Variants in XKR6 observed in about 807,000 individuals in gnomAD.
XKR6 encodes the protein XK-related protein 6.
In XKR6, 22 loss-of-function variants were observed where a neutral mutation model predicts 56.7. The ratio of observed to expected loss-of-function variants is 0.39; its 90% confidence interval spans 0.28 to 0.55. The LOEUF (loss-of-function observed/expected upper bound fraction) is 0.55, where lower values mean the gene tolerates loss of function less well. Ranked by LOEUF, XKR6 falls within the 20% of genes least tolerant of loss-of-function variation. The pLI is 0.66. For missense variants in XKR6, 852 were observed against 889.0 expected (o/e 0.96, Z 0.53); for synonymous variants, 524 against 387.8 (o/e 1.35, Z -4.13).
At chr8:11,151,331 CTG>C (rs1443168083) in intron 1 of XKR6, among the ~76,000 whole-genome samples, 3 of 152,164 alleles carry the variant, frequency 2.0e-5, no homozygotes, top group Admixed American at 6.5e-5. Flanking sequence ...TAATCATACA[CTG>C]TGCATTTGCT....
At chr8:11,100,830 A>G (rs1245144561) in intron 1 of XKR6, among the ~76,000 whole-genome samples, 1 of 152,224 alleles carries the variant, frequency 6.6e-6, no homozygotes. Flanking sequence ...TTATGCTACA[A>G]AAGCTTTTGT....
intron 2 of XKR6, among the ~76,000 whole-genome samples, chr8:10,900,930 C>T (rs1422132178): frequency 1.4e-5 from 2 of 144,546 alleles, no homozygotes; most frequent in Admixed American, 1.4e-4. Context: ...TCATTGCTCA[C>T]TGAAGCCTCA....
At chr8:10,972,197 A>G (rs192766348) in intron 1 of XKR6, among the ~76,000 whole-genome samples, 3 of 152,230 alleles carry the variant, frequency 2.0e-5, no homozygotes, top group African/African-American at 7.2e-5. Flanking sequence ...ATTTGACTCT[A>G]GGTTCTATTT....
intron 1 of XKR6, among the ~76,000 whole-genome samples, chr8:10,995,275 G>T (rs541883250): frequency 6.6e-6 from 1 of 151,586 alleles, no homozygotes; most frequent in African/African-American, 2.4e-5. Context: ...AGTGCTTTAG[G>T]AGACTGAAGC....
chr8:10,979,696 G>C (rs1797683365), intron 1 of XKR6, among the ~76,000 whole-genome samples: 2 of 152,196 alleles, frequency 1.3e-5, no homozygotes, highest in South Asian at 4.1e-4. Flanking sequence ...CAGGCTGCCT[G>C]AAACGGACAA....
At chr8:11,112,732 C>A (rs984290568) in intron 1 of XKR6, among the ~76,000 whole-genome samples, 3 of 152,178 alleles carry the variant, frequency 2.0e-5, no homozygotes, top group African/African-American at 7.2e-5. Flanking sequence ...TTATTAAGAG[C>A]CCACACACAT....
intron 1 of XKR6, among the ~76,000 whole-genome samples, chr8:10,941,352 C>T (rs552388522): frequency 6.6e-6 from 1 of 152,350 alleles, no homozygotes; most frequent in African/African-American, 2.4e-5. Flanking sequence ...TCAGCACTTG[C>T]AAGGCCTCCT....
At chr8:11,178,928 G>A (rs1371959382) in intron 1 of XKR6, among the ~76,000 whole-genome samples, 5 of 151,076 alleles carry the variant, frequency 3.3e-5, no homozygotes, top group South Asian at 2.1e-4. Flanking sequence ...CTGCAGCCTC[G>A]GTCTCCCAAG....
chr8:11,049,881 C>G (rs1184586329), intron 1 of XKR6, among the ~76,000 whole-genome samples: 2 of 152,200 alleles, frequency 1.3e-5, no homozygotes, highest in African/African-American at 4.8e-5. Flanking sequence ...GAGAGAAAGA[C>G]TGTGTCTGCT....
At chr8:11,034,075 C>T (rs376158585) in intron 1 of XKR6, among the ~76,000 whole-genome samples, 66 of 152,252 alleles carry the variant, frequency 4.3e-4, no homozygotes, top group African/African-American at 1.5e-3. Context: ...GCACAGTCCA[C>T]GACCAAACTA....
intron 1 of XKR6, among the ~76,000 whole-genome samples, chr8:11,117,168 G>C (rs1437311920): frequency 6.6e-6 from 1 of 152,154 alleles, no homozygotes; most frequent in African/African-American, 2.4e-5. Flanking sequence ...CCTTAGTTTA[G>C]ACTGAATCTT....
chr8:11,056,213 CA>C (rs1477075848), intron 1 of XKR6, among the ~76,000 whole-genome samples: 1 of 152,188 alleles, frequency 6.6e-6, no homozygotes, highest in Non-Finnish European at 1.5e-5. Flanking sequence ...GAGGCAGAAG[CA>C]AAATGAGCCT....
At chr8:11,099,650 C>G (rs886940676) in intron 1 of XKR6, among the ~76,000 whole-genome samples, 2 of 152,226 alleles carry the variant, frequency 1.3e-5, no homozygotes, top group African/African-American at 2.4e-5. Context: ...TTTACTCATT[C>G]ACTCGCTCAA....
chr8:11,019,745 T>TA (rs1798707917), intron 1 of XKR6, among the ~76,000 whole-genome samples: 1 of 152,186 alleles, frequency 6.6e-6, no homozygotes, highest in Non-Finnish European at 1.5e-5. Context: ...AGGCAGAGGC[T>TA]AACACGGTTA....
At chr8:10,962,225 A>C (rs1429113642) in intron 1 of XKR6, among the ~76,000 whole-genome samples, 1 of 152,222 alleles carries the variant, frequency 6.6e-6, no homozygotes, top group African/African-American at 2.4e-5. Flanking sequence ...TGCTTCCCCT[A>C]AAACCCCAAA....
At chr8:11,064,463 T>C (rs761674777) in intron 1 of XKR6, among the ~76,000 whole-genome samples, 14 of 152,178 alleles carry the variant, frequency 9.2e-5, no homozygotes, top group Non-Finnish European at 2.1e-4. Flanking sequence ...CCCAACATCT[T>C]AAAAGAAAGG....
intron 1 of XKR6, among the ~76,000 whole-genome samples, chr8:10,976,741 G>A (rs1802575010): frequency 6.9e-6 from 1 of 144,752 alleles, no homozygotes; most frequent in East Asian, 2.1e-4. Context: ...ATATCACTAG[G>A]CTACCTCGCC....
intron 1 of XKR6, among the ~76,000 whole-genome samples, chr8:11,112,683 C>CT (rs1563144653): frequency 6.6e-6 from 1 of 152,162 alleles, no homozygotes; most frequent in Non-Finnish European, 1.5e-5. Context: ...ACTGGTTTTT[C>CT]TTTAAGAACA....
chr8:11,119,395 T>C lies in XKR6; in HGVS notation c.764+81181A>G, dbSNP rs143262065. 3.6e-3 allele frequency among the ~76,000 whole-genome samples: 550 copies of C among 152,328 alleles called. 4 individuals are homozygous for C. Among genetic ancestry groups the C allele is most frequent in the South Asian group, 0.015 (73 of 4,818 alleles). ...CTTTCTGTCTCGTTGATCTGTCTAA[T>C]GTTGACAGTGGGGTGGTAAAGTCTC... On this transcript the variant is annotated intron_variant, in intron 1 of 2. Coordinates refer to ENST00000416569, the MANE Select transcript of XKR6 (RefSeq NM_173683.4).
Sources: allele counts gnomAD v4.1 joint callset (sites outside exome capture counted in the v4.1 genomes callset), GRCh38; gene constraint gnomAD v4.1.1; transcripts MANE v1.5; gene names NCBI Gene and HGNC (gene_info 2026-07-23, HGNC 2026-07-21).